Variants in UTS2 observed in about 807,000 individuals in gnomAD.
UTS2 encodes urotensin 2.
A neutral mutation model predicts 12.6 loss-of-function variants in UTS2; 10 were observed. The ratio of observed to expected loss-of-function variants is 0.80; its 90% CI spans 0.49 to 1.35. The LOEUF (loss-of-function observed/expected upper bound fraction) is 1.35, where lower values mean the gene tolerates loss of function less well. UTS2 is among the 40% of genes most tolerant of loss of function. UTS2 has a pLI of 0.00. For missense variants in UTS2, 142 were observed against 143.2 expected (o/e 0.99, Z 0.04); for synonymous variants, 52 against 50.0 (o/e 1.04, Z -0.17).
upstream of UTS2, among the ~76,000 whole-genome samples, chr1:7,857,143 G>GGAAGGAAGGAAC (rs766960072): frequency 2.2e-4 from 33 of 151,508 alleles, no homozygotes; most frequent in Non-Finnish European, 2.5e-4. Context: ...AAGGAAGGAA[G>GGAAGGAAGGAAC]GTGAAGCATG....
chr1:7,863,096 TTGTATTGTA>T, the UTS2 span, among the ~76,000 whole-genome samples: 1 of 127,188 alleles, frequency 7.9e-6, no homozygotes, highest in African/African-American at 3.3e-5. Context: ...TTGTATTGTA[TTGTATTGTA>T]TTGTATTGTA....
intron 1 of UTS2, among the ~76,000 whole-genome samples, chr1:7,852,269 T>C (rs2151383391): frequency 6.6e-6 from 1 of 152,344 alleles, no homozygotes; most frequent in East Asian, 1.9e-4. Flanking sequence ...TTCTCATTTC[T>C]CTAACTAAAT....
At chr1:7,879,539 A>C in the UTS2 span, among the ~76,000 whole-genome samples, 1 of 152,124 alleles carries the variant, frequency 6.6e-6, no homozygotes, top group Non-Finnish European at 1.5e-5. Flanking sequence ...CCAGGAGTTT[A>C]AGACCAGCCT....
the UTS2 span, among the ~76,000 whole-genome samples, chr1:7,904,302 C>T: frequency 1.6e-5 from 2 of 128,746 alleles, no homozygotes; most frequent in African/African-American, 7.1e-5. Flanking sequence ...CAGGTCTCTA[C>T]AAAAAATAAA....
At chr1:7,875,630 G>A in the UTS2 span, among the ~76,000 whole-genome samples, 3 of 152,086 alleles carry the variant, frequency 2.0e-5, no homozygotes, top group Non-Finnish European at 4.4e-5. Context: ...GCCACTGACT[G>A]TGCACATCAT....
At chr1:7,861,806 T>A in the UTS2 span, among the ~76,000 whole-genome samples, 4 of 150,236 alleles carry the variant, frequency 2.7e-5, no homozygotes, top group Non-Finnish European at 4.4e-5. Context: ...GTGAAGAACA[T>A]GTGAGGGCAA....
chr1:7,858,799 G>A, the UTS2 span, among the ~76,000 whole-genome samples: 1 of 152,130 alleles, frequency 6.6e-6, no homozygotes, highest in Non-Finnish European at 1.5e-5. Context: ...CACCAGGCTG[G>A]TCTCAAACTC....
intron 3 of UTS2, among the ~76,000 whole-genome samples, chr1:7,848,422 G>C (rs1035424460): frequency 1.3e-5 from 2 of 152,130 alleles, no homozygotes; most frequent in African/African-American, 4.8e-5. Flanking sequence ...CTGGGTAACA[G>C]AGCAAGACCC....
At chr1:7,859,329 A>T in the UTS2 span, among the ~76,000 whole-genome samples, 3 of 152,212 alleles carry the variant, frequency 2.0e-5, no homozygotes, top group Non-Finnish European at 4.4e-5. Flanking sequence ...TATTTCAGAT[A>T]ACCATTTGGC....
chr1:7,868,027 G>A, the UTS2 span, among the ~76,000 whole-genome samples: 2 of 152,120 alleles, frequency 1.3e-5, no homozygotes, highest in Non-Finnish European at 2.9e-5. Flanking sequence ...AAAATAATTA[G>A]AAGACGATTA....
chr1:7,855,400 A>G (rs1023931378), upstream of UTS2, among the ~76,000 whole-genome samples: 1 of 151,402 alleles, frequency 6.6e-6, no homozygotes, highest in Non-Finnish European at 1.5e-5. Flanking sequence ...CCTGGCCAAC[A>G]TGGTGAAACC....
chr1:7,877,110 C>G, the UTS2 span, among the ~76,000 whole-genome samples: 1 of 123,442 alleles, frequency 8.1e-6, no homozygotes, highest in Non-Finnish European at 1.6e-5. Flanking sequence ...GCCTGGCCAA[C>G]AGAGTGAGAC....
chr1:7,849,203 T>C (rs2097411192), intron 3 of UTS2, among the ~76,000 whole-genome samples: 1 of 152,160 alleles, frequency 6.6e-6, no homozygotes. Context: ...TTTGAAATAA[T>C]GCTGGCCAAT....
the UTS2 span, among the ~76,000 whole-genome samples, chr1:7,860,557 C>G: frequency 1.4e-4 from 21 of 152,040 alleles, no homozygotes; most frequent in African/African-American, 4.8e-4. Context: ...ACAATCTAAA[C>G]TGTGTTTTAT....
chr1:7,850,773 A>G (rs772710601), intron 2 of UTS2, 39 bp downstream of exon 2: 42 of 1,598,492 alleles, frequency 2.6e-5, no homozygotes, highest in Non-Finnish European at 3.6e-5. Flanking sequence ...TTCAGTAGCA[A>G]TTAAATCAGA....
chr1:7,888,899 C>T, the UTS2 span, among the ~76,000 whole-genome samples: 1 of 152,110 alleles, frequency 6.6e-6, no homozygotes, highest in Non-Finnish European at 1.5e-5. Context: ...TCCTGCCCTG[C>T]CTCCAACCAA....
At chr1:7,869,574 C>T in the UTS2 span, among the ~76,000 whole-genome samples, 1 of 152,222 alleles carries the variant, frequency 6.6e-6, no homozygotes, top group Non-Finnish European at 1.5e-5. Flanking sequence ...TGAAGCTTAA[C>T]TTCCAGGCAT....
the UTS2 span, among the ~76,000 whole-genome samples, chr1:7,872,121 G>A: frequency 6.6e-6 from 1 of 151,848 alleles, no homozygotes; most frequent in African/African-American, 2.4e-5. Flanking sequence ...CTAACATGGT[G>A]AAACCCCGTC....
chr1:7,904,762 G>A, the UTS2 span, among the ~76,000 whole-genome samples: 1 of 151,796 alleles, frequency 6.6e-6, no homozygotes, highest in African/African-American at 2.4e-5. Context: ...AAAATTAGCC[G>A]GGCGTGGTGG....
Sources: allele counts gnomAD v4.1 joint callset (sites outside exome capture counted in the v4.1 genomes callset), GRCh38; gene constraint gnomAD v4.1.1; transcripts MANE v1.5; gene names NCBI Gene and HGNC (gene_info 2026-07-23, HGNC 2026-07-21).